ZFHX3: variants seen among roughly 807,000 people sequenced by gnomAD.
ZFHX3 encodes the protein zinc finger homeobox 3.
In ZFHX3, 42 loss-of-function variants were observed where a neutral mutation model predicts 279.1. The ratio of observed to expected loss-of-function variants is 0.15; its 90% CI spans 0.12 to 0.19. The LOEUF (loss-of-function observed/expected upper bound fraction) is 0.19, where lower values mean the gene tolerates loss of function less well. ZFHX3 is among the 10% of genes least tolerant of loss of function. The pLI is 1.00. For synonymous variants in ZFHX3, 2,293 were observed against 1,957.8 expected (o/e 1.17, Z -4.52); for missense variants, 4,981 against 4,754.0 (o/e 1.05, Z -1.40).
At chr16:73,673,964 A>G (rs1176042253) in intron 2 of ZFHX3, among the ~76,000 whole-genome samples, 1 of 152,184 alleles carries the variant, frequency 6.6e-6, no homozygotes, top group African/African-American at 2.4e-5. Flanking sequence ...ACGAACACCA[A>G]ACAAAGCATC....
At chr16:73,847,254 C>A (rs939302875) in intron 1 of ZFHX3, among the ~76,000 whole-genome samples, 1 of 152,164 alleles carries the variant, frequency 6.6e-6, no homozygotes. Context: ...TGAACTGAGA[C>A]TGCCCCATTG....
At chr16:73,399,802 AAG>A (rs2017209759) in intron 3 of ZFHX3, among the ~76,000 whole-genome samples, 1 of 148,702 alleles carries the variant, frequency 6.7e-6, no homozygotes, top group African/African-American at 2.5e-5. Flanking sequence ...AGTGTGTGGA[AAG>A]AGTGTGTGTG....
chr16:73,486,751 C>T (rs1169964623), intron 2 of ZFHX3: 4 of 448,200 alleles, frequency 8.9e-6, no homozygotes, highest in Admixed American at 7.4e-5. Flanking sequence ...TTTTTCTCTT[C>T]AGGAATGAAG....
intron 2 of ZFHX3, among the ~76,000 whole-genome samples, chr16:73,622,981 T>C (rs1354241845): frequency 2.0e-5 from 3 of 152,170 alleles, no homozygotes; most frequent in Admixed American, 1.3e-4. Flanking sequence ...GTCCAAAATG[T>C]GAGGCGATAG....
At chr16:72,962,726 A>G (rs774001755) in intron 1 of ZFHX3, among the ~76,000 whole-genome samples, 16 of 152,078 alleles carry the variant, frequency 1.1e-4, no homozygotes, top group Non-Finnish European at 2.1e-4. Flanking sequence ...ACCATGCATT[A>G]AACTTAAGAC....
At chr16:73,170,940 C>T (rs1967506664) in intron 5 of ZFHX3, among the ~76,000 whole-genome samples, 1 of 152,138 alleles carries the variant, frequency 6.6e-6, no homozygotes, top group Admixed American at 6.5e-5. Context: ...GTGGAAAATC[C>T]AGAGCCGACA....
chr16:73,503,468 G>C (rs1442700317), intron 2 of ZFHX3, among the ~76,000 whole-genome samples: 2 of 152,168 alleles, frequency 1.3e-5, no homozygotes, highest in Non-Finnish European at 2.9e-5. Context: ...TTGACCGCAC[G>C]TGTCTGCTCT....
intron 5 of ZFHX3, among the ~76,000 whole-genome samples, chr16:73,174,945 T>C (rs34657280): frequency 0.31 from 45,943 of 150,578 alleles, 7,313 homozygotes; most frequent in Middle Eastern, 0.39. Context: ...GGAGAAACGC[T>C]TGAACCTGGG....
chr16:73,638,943 G>A (rs1451846193), intron 2 of ZFHX3, among the ~76,000 whole-genome samples: 1 of 152,092 alleles, frequency 6.6e-6, no homozygotes, highest in Non-Finnish European at 1.5e-5. Context: ...AGGCTTCATT[G>A]AGACCTACTG....
At position 73,193,288 on chromosome 16, in the gene ZFHX3, G is replaced by A. The variant is rs183337518; in HGVS notation, c.-1103-49457C>T. Among the ~76,000 whole-genome samples, 35 of 152,306 alleles carry A rather than the reference G, an allele frequency of 2.3e-4. No homozygotes were observed. In the East Asian group the frequency reaches 6.4e-3, roughly 28 times the overall value. ...ACTCAGGAAGGCACCACCTCTCTGG[G>A]CCTCAGTTTTCTAGCCTGTAACATA... On this transcript the variant is annotated intron_variant, in intron 5 of 17. Transcript: ENST00000641206.
At chr16:73,367,009 T>C (rs2143328941) in intron 3 of ZFHX3, among the ~76,000 whole-genome samples, 1 of 152,058 alleles carries the variant, frequency 6.6e-6, no homozygotes, top group East Asian at 1.9e-4. Context: ...GATTCAACGC[T>C]GACACACTCA....
chr16:73,158,677 T>C (rs1967155046), intron 5 of ZFHX3, among the ~76,000 whole-genome samples: 1 of 152,128 alleles, frequency 6.6e-6, no homozygotes, highest in East Asian at 1.9e-4. Context: ...GACTTCAAAG[T>C]ACACTACAGA....
At chr16:73,472,278 A>AC (rs1555519162) in intron 2 of ZFHX3, among the ~76,000 whole-genome samples, 1 of 151,728 alleles carries the variant, frequency 6.6e-6, no homozygotes, top group Non-Finnish European at 1.5e-5. Context: ...TAAAAAAAAA[A>AC]AAAAAAAAAC....
intron 1 of ZFHX3, among the ~76,000 whole-genome samples, chr16:73,038,916 G>C (rs1473044806): frequency 6.6e-6 from 1 of 151,766 alleles, no homozygotes; most frequent in Non-Finnish European, 1.5e-5. Flanking sequence ...ACCCACCTCA[G>C]CCTCCCGAGT....
At chr16:73,509,451 G>C (rs2019384721) in intron 2 of ZFHX3, among the ~76,000 whole-genome samples, 1 of 150,400 alleles carries the variant, frequency 6.6e-6, no homozygotes. Flanking sequence ...TGTGGGCTCT[G>C]ACTACATCTC....
chr16:72,951,937 G>A (rs529948151), intron 2 of ZFHX3, among the ~76,000 whole-genome samples: 1 of 152,328 alleles, frequency 6.6e-6, no homozygotes, highest in East Asian at 1.9e-4. Flanking sequence ...GGGTTGGATA[G>A]TGCATCTCTA....
chr16:73,234,838 C>A (rs1001602233), intron 5 of ZFHX3, among the ~76,000 whole-genome samples: 5 of 152,168 alleles, frequency 3.3e-5, no homozygotes, highest in African/African-American at 1.2e-4. Flanking sequence ...ATTGCCTCAG[C>A]CTTTGAAGTG....
chr16:73,635,061 A>G (rs1161416397), intron 2 of ZFHX3, among the ~76,000 whole-genome samples: 3 of 152,344 alleles, frequency 2.0e-5, no homozygotes, highest in African/African-American at 7.2e-5. Flanking sequence ...AGATCAATTT[A>G]ACTGGAAAAG....
At chr16:73,174,504 T>C (rs1408670564) in intron 5 of ZFHX3, among the ~76,000 whole-genome samples, 1 of 152,164 alleles carries the variant, frequency 6.6e-6, no homozygotes, top group African/African-American at 2.4e-5. Context: ...ACGTGTTTTC[T>C]TTTTGCATCC....
Sources: gnomAD v4.1 joint callset for allele counts (sites outside exome capture counted in the v4.1 genomes callset) on GRCh38, gnomAD v4.1.1 for gene constraint, MANE v1.5 for transcripts, NCBI Gene and HGNC (gene_info 2026-07-23, HGNC 2026-07-21) for gene names.